Variants in CENPW observed in about 807,000 individuals in gnomAD.
CENPW encodes the protein cancer-up-regulated gene 2 protein.
In CENPW, 3 loss-of-function variants were observed where a neutral mutation model predicts 11.1. The observed-to-expected ratio is 0.27, with a 90% CI of 0.12 to 0.70. The LOEUF (loss-of-function observed/expected upper bound fraction) is 0.70, where lower values mean the gene tolerates loss of function less well. CENPW is among the 30% of genes least tolerant of loss of function. The pLI, the probability that CENPW is intolerant of heterozygous loss-of-function variation, is 0.77. For synonymous variants in CENPW, 38 were observed against 42.0 expected, an observed-to-expected ratio of 0.91 and a Z score of 0.37; for missense variants, 100 against 105.6, an observed-to-expected ratio of 0.95 and a Z score of 0.23.
the CENPW span, among the ~76,000 whole-genome samples, chr6:126,471,533 A>C: frequency 6.6e-6 from 1 of 152,234 alleles, no homozygotes; most frequent in African/African-American, 2.4e-5. Context: ...GCACTATTTT[A>C]AATGGCCAAA....
chr6:126,425,367 C>T, the CENPW span, among the ~76,000 whole-genome samples: 3 of 152,010 alleles, frequency 2.0e-5, no homozygotes, highest in African/African-American at 4.8e-5. Context: ...TTTCTTCTCT[C>T]GCTCTTTTAC....
the CENPW span, among the ~76,000 whole-genome samples, chr6:126,360,818 G>T: frequency 6.6e-6 from 1 of 151,940 alleles, no homozygotes; most frequent in South Asian, 2.1e-4. Flanking sequence ...TTCAGCTCTT[G>T]GATCATTTTA....
chr6:126,456,272 A>G, the CENPW span, among the ~76,000 whole-genome samples: 1 of 151,292 alleles, frequency 6.6e-6, no homozygotes, highest in Non-Finnish European at 1.5e-5. Flanking sequence ...ACATACAAAG[A>G]TGGAAGTGTC....
the CENPW span, among the ~76,000 whole-genome samples, chr6:126,360,878 T>G: frequency 6.6e-6 from 1 of 152,110 alleles, no homozygotes; most frequent in East Asian, 1.9e-4. Context: ...TCAATGAGCT[T>G]CTTTGCCATC....
intron 1 of CENPW, among the ~76,000 whole-genome samples, chr6:126,345,130 A>C (rs1011144838): frequency 6.6e-6 from 1 of 151,876 alleles, no homozygotes; most frequent in African/African-American, 2.4e-5. Flanking sequence ...TGCTTGGATT[A>C]CATGTACTTT....
the CENPW span, among the ~76,000 whole-genome samples, chr6:126,375,585 C>T: frequency 6.6e-6 from 1 of 151,816 alleles, no homozygotes; most frequent in Non-Finnish European, 1.5e-5. Flanking sequence ...CACATATTGC[C>T]TTTTTTTTCC....
chr6:126,346,908 A>G (rs1325932112), intron 2 of CENPW, among the ~76,000 whole-genome samples: 1 of 152,126 alleles, frequency 6.6e-6, no homozygotes, highest in Non-Finnish European at 1.5e-5. Context: ...AGATCGCACC[A>G]TTGCACTCTA....
rs1780452616 is a variant in CENPW, at chr6:126,348,558, AT to A, written c.*72del. 3 of 926,894 alleles carry A rather than the reference AT, an allele frequency of 3.2e-6. No homozygotes were observed. The East Asian group carries it at 7.4e-5, about 23-fold the overall frequency. The allele number at this position is 926,894 out of a possible 1,614,324, so 57.4% of individuals were successfully genotyped here. On this transcript the variant is annotated 3_prime_UTR_variant, in exon 3 of 3. Coordinates refer to ENST00000368328, the MANE Select transcript of CENPW (RefSeq NM_001012507.4). ...TTGGGTGGTAACAGATCATAAAGAC[AT>A]TTTTTACACATCAGTTAATATGGGA...
chr6:126,402,853 G>A, the CENPW span, among the ~76,000 whole-genome samples: 1 of 151,852 alleles, frequency 6.6e-6, no homozygotes, highest in African/African-American at 2.4e-5. Context: ...ATTTTATTGT[G>A]CTTCACTTTA....
the CENPW span, among the ~76,000 whole-genome samples, chr6:126,402,810 T>A: frequency 6.6e-6 from 1 of 152,120 alleles, no homozygotes; most frequent in East Asian, 1.9e-4. Flanking sequence ...ATAATGCTGC[T>A]ATGAATATTC....
chr6:126,403,267 G>A, the CENPW span, among the ~76,000 whole-genome samples: 1 of 152,112 alleles, frequency 6.6e-6, no homozygotes, highest in Non-Finnish European at 1.5e-5. Context: ...GAAAGGAGAA[G>A]TTGCATATCT....
the CENPW span, among the ~76,000 whole-genome samples, chr6:126,413,087 C>CTGATACCTTCATTCCAGGTAT: frequency 6.6e-6 from 1 of 152,064 alleles, no homozygotes; most frequent in Non-Finnish European, 1.5e-5. Flanking sequence ...AGAGAGGTTT[C>CTGATACCTTCATTCCAGGTAT]CAGAGCTTCT....
the CENPW span, among the ~76,000 whole-genome samples, chr6:126,364,208 G>A: frequency 6.6e-6 from 1 of 152,150 alleles, no homozygotes; most frequent in East Asian, 1.9e-4. Context: ...CGCCAGTTGA[G>A]CACTCAGTTA....
At chr6:126,471,338 C>T in the CENPW span, among the ~76,000 whole-genome samples, 9 of 152,266 alleles carry the variant, frequency 5.9e-5, no homozygotes, top group East Asian at 1.7e-3. Context: ...AAGGTGCCTG[C>T]TTCCCCTTTG....
At chr6:126,393,362 A>G in the CENPW span, among the ~76,000 whole-genome samples, 2 of 151,400 alleles carry the variant, frequency 1.3e-5, 1 homozygote, top group South Asian at 4.2e-4. Context: ...TAGTTCTTTA[A>G]GATGCACTGT....
the CENPW span, among the ~76,000 whole-genome samples, chr6:126,450,810 T>C: frequency 6.6e-6 from 1 of 150,882 alleles, no homozygotes; most frequent in Non-Finnish European, 1.5e-5. Flanking sequence ...TTTTTCTCCT[T>C]ATAGGTAAGG....
chr6:126,462,530 T>A, the CENPW span, among the ~76,000 whole-genome samples: 4,592 of 143,920 alleles, frequency 0.032, 87 homozygotes, highest in Non-Finnish European at 0.047. Flanking sequence ...TCTCTCTCTC[T>A]CTCACACACA....
At chr6:126,418,339 T>C in the CENPW span, among the ~76,000 whole-genome samples, 1 of 152,208 alleles carries the variant, frequency 6.6e-6, no homozygotes, top group African/African-American at 2.4e-5. Flanking sequence ...AAGTGGAAAC[T>C]TAATAGTCCA....
At chr6:126,385,525 G>C in the CENPW span, among the ~76,000 whole-genome samples, 1 of 152,080 alleles carries the variant, frequency 6.6e-6, no homozygotes, top group African/African-American at 2.4e-5. Context: ...TATGAAAGAA[G>C]ACTAAATATT....
Sources: allele counts gnomAD v4.1 joint callset (sites outside exome capture counted in the v4.1 genomes callset), GRCh38; gene constraint gnomAD v4.1.1; transcripts MANE v1.5; gene names NCBI Gene and HGNC (gene_info 2026-07-23, HGNC 2026-07-21).